Variants in EXTL3 observed in about 807,000 individuals in gnomAD.
EXTL3 encodes the protein exostosin like glycosyltransferase 3, also known as exostosin-like 3.
Under a neutral mutation model 69.3 loss-of-function variants are expected in EXTL3, and 27 were observed. That is an observed-to-expected ratio of 0.39 (90% CI 0.29 to 0.54). The LOEUF is 0.54. Among genes scored for constraint, EXTL3 ranks in the 20% least tolerant of loss-of-function variants. The pLI is 0.69. For synonymous variants in EXTL3, 511 were observed against 499.4 expected, an observed-to-expected ratio of 1.02 and a Z score of -0.31; for missense variants, 1,003 against 1,231.8, an observed-to-expected ratio of 0.81 and a Z score of 2.78.
In EXTL3 at chr8:28,713,449, T is replaced by A. The variant is rs528490258; in HGVS notation, c.-569-8T>A. ...TATTTTTGTTTTTTGTTTTTTTTTT[T>A]AAATCAGGAGAGCAAGCCCTGGAGG... is the stretch of plus-strand genomic sequence containing the variant. On this transcript the variant is annotated splice_region_variant and splice_polypyrimidine_tract_variant and intron_variant, in intron 1 of 6. Transcript: ENST00000220562. The A allele has an allele frequency of 2.0e-4, 135 of 670,928 alleles. No homozygotes were observed. The highest frequency in any genetic ancestry group is 1.8e-3 in the African/African-American group (101 of 54,770). 41.6% of individuals were successfully genotyped at this position (670,928 alleles called of 1,614,324 possible). A position where few individuals can be genotyped will look rare whatever the true frequency, so the allele number is the denominator to read the frequency against.
chr8:28,626,598 A>G (rs1289388459), intron 1 of EXTL3, among the ~76,000 whole-genome samples: 1 of 152,158 alleles, frequency 6.6e-6, no homozygotes, highest in Admixed American at 6.5e-5. Context: ...GCATTCTGTA[A>G]GTGTTTACTT....
Position 28,751,030 on chromosome 8 carries a change from A to C in EXTL3, c.*164A>C. ...GAAGGAAACCGCTGCCTTTATCTTG[A>C]AGTCAGCCACACTGGGCCTGGAGCC... On this transcript the variant is annotated 3_prime_UTR_variant, in exon 7 of 7. Coordinates refer to ENST00000220562, the MANE Select transcript of EXTL3 (RefSeq NM_001440.4). 1.5e-6 allele frequency: 1 copy of C among 648,182 alleles called. No individual in the cohort carries two copies. Among genetic ancestry groups the C allele is most frequent in the South Asian group, 1.9e-5 (1 of 53,598 alleles). 40.2% of individuals were successfully genotyped at this position (648,182 alleles called of 1,614,324 possible). A position where few individuals can be genotyped will look rare whatever the true frequency, so the allele number is the denominator to read the frequency against.
chr8:28,624,684 A>G (rs1297480367), intron 1 of EXTL3, among the ~76,000 whole-genome samples: 1 of 152,228 alleles, frequency 6.6e-6, no homozygotes, highest in African/African-American at 2.4e-5. Context: ...GGGACAATAA[A>G]CCCAAAAGAT....
intron 6 of EXTL3, chr8:28,744,037 A>G (rs4732873): frequency 6.6e-6 from 1 of 152,024 alleles, no homozygotes; most frequent in Non-Finnish European, 1.5e-5. Flanking sequence ...GGTTCCACCC[A>G]CTTCCTGTCA....
intron 3 of EXTL3, among the ~76,000 whole-genome samples, chr8:28,725,388 T>G (rs1801392072): frequency 6.6e-6 from 1 of 152,102 alleles, no homozygotes; most frequent in African/African-American, 2.4e-5. Context: ...CCTGGCTTGA[T>G]GGAGGTGGAT....
intron 1 of EXTL3, among the ~76,000 whole-genome samples, chr8:28,702,836 C>T (rs777174067): frequency 6.6e-6 from 1 of 152,060 alleles, no homozygotes; most frequent in Non-Finnish European, 1.5e-5. Context: ...TTTTTAAAGG[C>T]TTTGTGTGTT....
chr8:28,648,085 A>C (rs1026481523), intron 1 of EXTL3, among the ~76,000 whole-genome samples: 3 of 152,068 alleles, frequency 2.0e-5, no homozygotes, highest in African/African-American at 7.2e-5. Flanking sequence ...AATATTGGAT[A>C]ATGGATTGGT....
At chr8:28,622,360 C>G (rs908540263), upstream of EXTL3, among the ~76,000 whole-genome samples, 3 of 152,250 alleles carry the variant, frequency 2.0e-5, no homozygotes, top group East Asian at 1.9e-4. Flanking sequence ...CGTGTGCAGC[C>G]GGGTGCTGGT....
At chr8:28,737,793 T>C in intron 5 of EXTL3, 130 bp downstream of exon 5, 1 of 1,087,788 alleles carries the variant, frequency 9.2e-7, no homozygotes, top group Non-Finnish European at 1.4e-6. Context: ...AAGTCAGTTT[T>C]TTCTATTTTT....
intron 3 of EXTL3, among the ~76,000 whole-genome samples, chr8:28,728,894 A>C (rs933460585): frequency 2.0e-5 from 3 of 152,092 alleles, no homozygotes; most frequent in Admixed American, 2.0e-4. Flanking sequence ...TCCATCTCTT[A>C]AAAGAAAAAA....
At chr8:28,745,029 G>A (rs974053147) in intron 6 of EXTL3, among the ~76,000 whole-genome samples, 4 of 151,882 alleles carry the variant, frequency 2.6e-5, no homozygotes, top group Non-Finnish European at 4.4e-5. Context: ...TACTAATAAC[G>A]ATAATGAAAT....
intron 3 of EXTL3, among the ~76,000 whole-genome samples, chr8:28,730,473 T>G (rs1222270043): frequency 6.6e-6 from 1 of 151,976 alleles, no homozygotes; most frequent in East Asian, 1.9e-4. Flanking sequence ...TCACCCACAC[T>G]GTAGGTAAAC....
intron 1 of EXTL3, among the ~76,000 whole-genome samples, chr8:28,648,251 T>C (rs1806865582): frequency 6.6e-6 from 1 of 152,188 alleles, no homozygotes; most frequent in Admixed American, 6.5e-5. Flanking sequence ...TGGGCTAATA[T>C]TGTACAGTCT....
At chr8:28,672,946 T>C (rs898368477) in intron 1 of EXTL3, among the ~76,000 whole-genome samples, 6 of 152,130 alleles carry the variant, frequency 3.9e-5, no homozygotes, top group East Asian at 3.9e-4. Context: ...GATCTGATGG[T>C]TTTATAAAGG....
At chr8:28,662,091 C>T (rs971339697) in intron 1 of EXTL3, among the ~76,000 whole-genome samples, 1 of 151,816 alleles carries the variant, frequency 6.6e-6, no homozygotes, top group African/African-American at 2.4e-5. Flanking sequence ...TACGCATGCA[C>T]AGAAACCTGT....
rs185978483 is a variant in EXTL3, at chr8:28,679,375, G to A, written c.-52-34082G>A. The stretch of plus-strand genomic sequence containing the variant: ...GCGGGAGAATCGCTTGAACCTGGGA[G>A]GCAGAGGTTACAGTGAACCAAGATC... On this transcript the variant is annotated intron_variant, in intron 1 of 6. Transcript: ENST00000523149. Among the ~76,000 whole-genome samples the A allele has an allele frequency of 4.9e-4, 74 of 152,276 alleles. No individual in the cohort carries two copies. The East Asian group carries it at 0.013, about 26-fold the overall frequency.
upstream of EXTL3, among the ~76,000 whole-genome samples, chr8:28,617,986 G>A: frequency 6.6e-6 from 1 of 152,194 alleles, no homozygotes; most frequent in East Asian, 1.9e-4. Context: ...TGGGGTCTAA[G>A]GGGAGAGGGG....
At chr8:28,739,956 A>C (rs958305973) in intron 5 of EXTL3, 2 of 152,244 alleles carry the variant, frequency 1.3e-5, no homozygotes, top group African/African-American at 2.4e-5. Context: ...ATGAATGGTC[A>C]GGTACCTCTA....
intron 1 of EXTL3, among the ~76,000 whole-genome samples, chr8:28,671,056 C>G (rs574975103): frequency 4.3e-4 from 65 of 151,902 alleles, no homozygotes; most frequent in Non-Finnish European, 7.1e-4. Context: ...TCTTGGCTCA[C>G]TGCAGCCTCC....
Sources: gnomAD v4.1 joint callset for allele counts (sites outside exome capture counted in the v4.1 genomes callset) on GRCh38, gnomAD v4.1.1 for gene constraint, MANE v1.5 for transcripts, NCBI Gene and HGNC (gene_info 2026-07-23, HGNC 2026-07-21) for gene names.